Variants in RHOBTB2 observed in about 807,000 individuals in gnomAD.
RHOBTB2 encodes rho-related BTB domain-containing protein 2.
Under a neutral mutation model 66.5 loss-of-function variants are expected in RHOBTB2, and 39 were observed. The observed-to-expected ratio is 0.59, with a 90% confidence interval of 0.45 to 0.77. RHOBTB2 has a LOEUF of 0.77. RHOBTB2 is among the 30% of genes least tolerant of loss of function. The pLI is 0.00. For synonymous variants in RHOBTB2, 390 were observed against 395.0 expected (o/e 0.99, Z 0.15); for missense variants, 755 against 999.1 (o/e 0.76, Z 3.29).
intron 1 of RHOBTB2, among the ~76,000 whole-genome samples, chr8:22,989,608 C>T (rs1008742911): frequency 6.6e-6 from 1 of 152,120 alleles, no homozygotes; most frequent in Non-Finnish European, 1.5e-5. Context: ...AATTTCAGAA[C>T]TTGGGGATCA....
upstream of RHOBTB2, among the ~76,000 whole-genome samples, chr8:22,996,554 TGTGTGTGTG>T (rs2128799218): frequency 1.5e-5 from 2 of 136,112 alleles, no homozygotes; most frequent in South Asian, 2.2e-4. Flanking sequence ...TGTGTGTGTG[TGTGTGTGTG>T]TGTGTCTGTG....
chr8:23,014,712 G>A lies in RHOBTB2; in HGVS notation c.1794G>A (p.Leu598=). 1.2e-6 allele frequency: 2 copies of A among 1,614,162 alleles called. No individual in the cohort carries two copies. Among genetic ancestry groups the A allele is most frequent in the Non-Finnish European group, 1.7e-6 (2 of 1,179,996 alleles). Residue 598 remains leucine, a synonymous_variant, in exon 8 of 10, where the codon CTG becomes CTA. Transcript: ENST00000251822. ...CAGAGCAGTACACAGTGACCGGGCT[G>A]ATGGAAGCGACCCAGATGATGGTGG... The part of the protein sequence containing the change: ...ALTEQYTVTG[L]MEATQMMVDI...
intron 1 of RHOBTB2, among the ~76,000 whole-genome samples, chr8:23,001,077 A>G (rs77992393): frequency 0.052 from 7,937 of 152,216 alleles, 673 homozygotes; most frequent in African/African-American, 0.18. Context: ...TGCACCAAGT[A>G]CAAAGAGCTG....
chr8:22,990,370 T>C (rs1810394994), intron 1 of RHOBTB2, among the ~76,000 whole-genome samples: 1 of 151,986 alleles, frequency 6.6e-6, no homozygotes, highest in East Asian at 1.9e-4. Flanking sequence ...GCACCCCACC[T>C]TGCAGGCCTG....
chr8:23,006,256 G>A lies in RHOBTB2; in HGVS notation c.482+111G>A. 2 of 947,070 alleles carry A rather than the reference G, an allele frequency of 2.1e-6. No homozygotes were observed. The highest frequency in any genetic ancestry group is 3.2e-6 in the Non-Finnish European group (2 of 626,988). The allele number at this position is 947,070 out of a possible 1,614,324, so 58.7% of individuals were successfully genotyped here. A position where few individuals can be genotyped will look rare whatever the true frequency, so the allele number is the denominator to read the frequency against. ...CCTCATATCTCTCCCTCCATTTGGA[G>A]CAAGCTTGCATTGGGAGTCAACAAG... On this transcript the variant is annotated intron_variant, in intron 4 of 9. Coordinates refer to ENST00000251822, the MANE Select transcript of RHOBTB2 (RefSeq NM_015178.3). This position sits in a 1 kb window ranked among gnomAD's most constrained non-coding sequence, Gnocchi z 6.1.
rs370025125 is a variant in RHOBTB2, at chr8:23,017,383, C to T, written c.2098C>T (p.Arg700Cys). ...YLHLKRQPKR[R>C]WLFWNSPSSP... ...CCACCTCAAGCGGCAGCCCAAACGG[C>T]GTTGGCTCTTCTGGAACAGTCCATC... Residue 700 changes from arginine to cysteine, a missense_variant, in exon 10 of 10, where the codon CGT (arginine) becomes TGT (cysteine). Arg to Cys is a radical substitution (Grantham distance 180, BLOSUM62 -3). Around this residue, in one of 7 missense-constraint regions of RHOBTB2, gnomAD observed 353 missense variants for 458.2 expected, o/e 0.77. Transcript: ENST00000251822. This position sits in a 1 kb window ranked among gnomAD's most constrained non-coding sequence, Gnocchi z 5.3. 26 of 1,614,042 alleles carry T rather than the reference C, an allele frequency of 1.6e-5. No homozygotes were observed. In the African/African-American group the frequency reaches 2.9e-4, roughly 18 times the overall value.
At chr8:22,984,174 TCTTAAAA>T (rs1810255610), upstream of RHOBTB2, among the ~76,000 whole-genome samples, 1 of 152,218 alleles carries the variant, frequency 6.6e-6, no homozygotes, top group Non-Finnish European at 1.5e-5. Flanking sequence ...TAATACAGTT[TCTTAAAA>T]CTTAAAAGCA....
At chr8:22,963,901 C>A in the RHOBTB2 span, among the ~76,000 whole-genome samples, 6 of 152,110 alleles carry the variant, frequency 3.9e-5, no homozygotes, top group Non-Finnish European at 8.8e-5. Context: ...CCTGCCTCAG[C>A]CTCCCGAGTA....
the RHOBTB2 span, among the ~76,000 whole-genome samples, chr8:22,958,801 T>TA: frequency 3.6e-4 from 1 of 2,780 alleles, no homozygotes; most frequent in Non-Finnish European, 7.4e-4. Flanking sequence ...AGCCCCTCTC[T>TA]GAAAAAAAAA....
the RHOBTB2 span, among the ~76,000 whole-genome samples, chr8:22,969,272 C>T: frequency 6.6e-6 from 1 of 152,158 alleles, no homozygotes; most frequent in African/African-American, 2.4e-5. Context: ...CCGCATGATT[C>T]AATTACCTCT....
At chr8:22,993,991 C>T (rs1362423264) in intron 2 of RHOBTB2, among the ~76,000 whole-genome samples, 1 of 152,228 alleles carries the variant, frequency 6.6e-6, no homozygotes, top group Non-Finnish European at 1.5e-5. Flanking sequence ...AAAATACCTC[C>T]TCCTTCCATT....
At chr8:22,965,679 G>T in the RHOBTB2 span, among the ~76,000 whole-genome samples, 5 of 152,142 alleles carry the variant, frequency 3.3e-5, no homozygotes, top group South Asian at 4.1e-4. Flanking sequence ...GCCAATGAGG[G>T]AAGGATAGTC....
chr8:22,962,093 G>A, the RHOBTB2 span, among the ~76,000 whole-genome samples: 3 of 145,596 alleles, frequency 2.1e-5, no homozygotes, highest in Non-Finnish European at 3.0e-5. Flanking sequence ...TCCAGGAGTT[G>A]GAGGCTGCAG....
upstream of RHOBTB2, chr8:22,995,938 T>A: frequency 6.6e-7 from 1 of 1,517,766 alleles, no homozygotes; most frequent in Non-Finnish European, 9.0e-7. Context: ...AAAGGGAAGG[T>A]GCAGGTTGGA....
At chr8:22,957,161 A>T in the RHOBTB2 span, among the ~76,000 whole-genome samples, 1 of 151,684 alleles carries the variant, frequency 6.6e-6, no homozygotes, top group South Asian at 2.1e-4. Flanking sequence ...GAGGTGATAT[A>T]TTATTGCAGA....
At chr8:22,954,879 C>T in the RHOBTB2 span, among the ~76,000 whole-genome samples, 1 of 152,192 alleles carries the variant, frequency 6.6e-6, no homozygotes, top group Non-Finnish European at 1.5e-5. Flanking sequence ...CGCCTGTAAT[C>T]CCAACACTTT....
At chr8:22,997,046 T>C (rs886239973), upstream of RHOBTB2, among the ~76,000 whole-genome samples, 4 of 152,122 alleles carry the variant, frequency 2.6e-5, no homozygotes, top group African/African-American at 9.7e-5. Context: ...AGCTTGCTAG[T>C]GGTCTGCCCC....
Position 23,018,860 on chromosome 8 carries a change from AAGG to A in RHOBTB2, c.*1394_*1396del, listed in dbSNP as rs996723080. The A allele has an allele frequency of 6.5e-6, 1 of 152,960 alleles. No homozygotes were observed. The highest frequency in any genetic ancestry group is 1.5e-5 in the Non-Finnish European group (1 of 68,354). The allele number at this position is 152,960 out of a possible 1,614,324, so 9.5% of individuals were successfully genotyped here. ...ATTACTGCTGGGGTGGGATAAGGGG[AAGG>A]AGAAGAGGGAGAATGGAGCAGGAGG... On this transcript the variant is annotated 3_prime_UTR_variant, in exon 10 of 10. Coordinates refer to ENST00000251822, the MANE Select transcript of RHOBTB2 (RefSeq NM_015178.3).
the RHOBTB2 span, among the ~76,000 whole-genome samples, chr8:22,950,872 G>A: frequency 6.6e-6 from 1 of 152,170 alleles, no homozygotes; most frequent in African/African-American, 2.4e-5. Context: ...AAGGGAACAC[G>A]GAGCCGCCAT....
Sources: allele counts gnomAD v4.1 joint callset (sites outside exome capture counted in the v4.1 genomes callset), GRCh38; gene constraint gnomAD v4.1.1; regional missense constraint gnomAD v4.1.1; non-coding constraint Gnocchi (gnomAD v3.1); transcripts MANE v1.5; gene names NCBI Gene and HGNC (gene_info 2026-07-23, HGNC 2026-07-21).